Variants in ADAMTS12 observed in about 807,000 individuals in gnomAD.
ADAMTS12 encodes ADAM metallopeptidase with thrombospondin type 1 motif 12, also known as A disintegrin and metalloproteinase with thrombospondin motifs 12.
In ADAMTS12, 118 loss-of-function variants were observed where a neutral mutation model predicts 167.8. That is an observed-to-expected ratio of 0.70 (90% CI 0.61 to 0.82). ADAMTS12 has a LOEUF of 0.82. Ranked by LOEUF, ADAMTS12 falls within the 40% of genes least tolerant of loss-of-function variation. ADAMTS12 has a pLI of 0.00. For synonymous variants in ADAMTS12, 704 were observed against 716.9 expected, an observed-to-expected ratio of 0.98 and a Z score of 0.29; for missense variants, 1,916 against 1,998.8, an observed-to-expected ratio of 0.96 and a Z score of 0.79.
intron 2 of ADAMTS12, among the ~76,000 whole-genome samples, chr5:33,857,515 A>G (rs1398118928): frequency 6.6e-6 from 1 of 152,184 alleles, no homozygotes; most frequent in African/African-American, 2.4e-5. Flanking sequence ...ATATATATGT[A>G]TAACAGATCA....
chr5:33,827,160 T>C (rs1246973075), intron 2 of ADAMTS12, among the ~76,000 whole-genome samples: 3 of 32,024 alleles, frequency 9.4e-5, no homozygotes, highest in Non-Finnish European at 3.1e-4. Flanking sequence ...ACTTTCAGAA[T>C]TGACCCTGAA....
chr5:33,703,633 C>G (rs1013217967), intron 3 of ADAMTS12, among the ~76,000 whole-genome samples: 4 of 152,188 alleles, frequency 2.6e-5, no homozygotes, highest in Non-Finnish European at 4.4e-5. Flanking sequence ...CACACATAAA[C>G]AAGATCATAT....
rs1028924713 is a variant in ADAMTS12, at chr5:33,525,896, T to C, written c.*1292A>G. 1 of 152,194 alleles carries C rather than the reference T, an allele frequency of 6.6e-6. No individual in the cohort carries two copies. Among genetic ancestry groups the C allele is most frequent in the Non-Finnish European group, 1.5e-5 (1 of 68,028 alleles). The allele number at this position is 152,194 out of a possible 1,614,324, so 9.4% of individuals were successfully genotyped here. A position where few individuals can be genotyped will look rare whatever the true frequency, so the allele number is the denominator to read the frequency against. The stretch of plus-strand genomic sequence containing the variant: ...TTAGAAATCACTTTGTCTAGAAATT[T>C]GCTCTGAATTTGAGACCAAGCCTAC... On this transcript the variant is annotated 3_prime_UTR_variant, in exon 24 of 24. Coordinates refer to ENST00000504830, the MANE Select transcript of ADAMTS12 (RefSeq NM_030955.4).
chr5:33,630,971 C>T lies in ADAMTS12; in HGVS notation c.1889-58G>A, dbSNP rs1398345365. The stretch of plus-strand genomic sequence containing the variant: ...ATTAGCTTTTAGCTCAGCATCCTCC[C>T]CCAGGATTCCTCCGTACTTAGGACC... On this transcript the variant is annotated intron_variant, in intron 12 of 23. Transcript: ENST00000504830. 2.5e-6 allele frequency: 4 copies of T among 1,593,118 alleles called. No homozygotes were observed. In the Admixed American group the frequency reaches 6.7e-5, roughly 27 times the overall value.
chr5:33,611,473 G>A (rs552153594), intron 16 of ADAMTS12, among the ~76,000 whole-genome samples: 114 of 151,820 alleles, frequency 7.5e-4, no homozygotes, highest in African/African-American at 2.7e-3. Context: ...TCAGTAAAAC[G>A]AAAATAACAC....
chr5:33,757,677 T>A (rs1745213827), intron 2 of ADAMTS12, among the ~76,000 whole-genome samples: 1 of 152,166 alleles, frequency 6.6e-6, no homozygotes, highest in Admixed American at 6.5e-5. Context: ...TCTAAAAGAA[T>A]ATAGGATCAA....
chr5:33,580,910 A>G (rs909156907), intron 18 of ADAMTS12, among the ~76,000 whole-genome samples: 5 of 152,196 alleles, frequency 3.3e-5, no homozygotes, highest in African/African-American at 9.7e-5. Context: ...CCCTCAGTGC[A>G]CCAACCTTCC....
At chr5:33,568,690 T>A (rs2111921854) in intron 19 of ADAMTS12, among the ~76,000 whole-genome samples, 1 of 152,350 alleles carries the variant, frequency 6.6e-6, no homozygotes, top group Non-Finnish European at 1.5e-5. Flanking sequence ...GATTTCTGCA[T>A]TTCCATCTGA....
At chr5:33,559,223 C>G (rs1745623964) in intron 20 of ADAMTS12, among the ~76,000 whole-genome samples, 1 of 152,184 alleles carries the variant, frequency 6.6e-6, no homozygotes, top group Non-Finnish European at 1.5e-5. Context: ...TTCCTTTCTC[C>G]TGTGTCTCAG....
At chr5:33,845,662 A>C (rs1315483956) in intron 2 of ADAMTS12, among the ~76,000 whole-genome samples, 1 of 152,226 alleles carries the variant, frequency 6.6e-6, no homozygotes, top group Non-Finnish European at 1.5e-5. Context: ...AAAAAAGACT[A>C]ACTTTACAGG....
At chr5:33,592,018 C>T (rs185293935) in intron 17 of ADAMTS12, among the ~76,000 whole-genome samples, 1 of 151,546 alleles carries the variant, frequency 6.6e-6, no homozygotes, top group East Asian at 1.9e-4. Context: ...GTCGGGAGTT[C>T]GAGACCAGCC....
intron 22 of ADAMTS12, among the ~76,000 whole-genome samples, chr5:33,537,419 G>A (rs759295300): frequency 6.6e-6 from 1 of 152,230 alleles, no homozygotes; most frequent in Non-Finnish European, 1.5e-5. Flanking sequence ...AGGCCTGTGA[G>A]TTGGCATGTG....
chr5:33,774,679 A>G (rs1745855276), intron 2 of ADAMTS12, among the ~76,000 whole-genome samples: 1 of 152,216 alleles, frequency 6.6e-6, no homozygotes, highest in South Asian at 2.1e-4. Flanking sequence ...ATTATCCAAT[A>G]GAAAAGATAA....
intron 3 of ADAMTS12, among the ~76,000 whole-genome samples, chr5:33,703,103 A>T (rs1390626564): frequency 6.6e-6 from 1 of 152,192 alleles, no homozygotes; most frequent in Admixed American, 6.5e-5. Flanking sequence ...TTCACCAATA[A>T]AACCATTTCT....
chr5:33,866,323 A>T (rs1310334636), intron 2 of ADAMTS12, among the ~76,000 whole-genome samples: 1 of 152,174 alleles, frequency 6.6e-6, no homozygotes, highest in Non-Finnish European at 1.5e-5. Flanking sequence ...GACAAAAAAT[A>T]CAAAAATAAA....
intron 2 of ADAMTS12, among the ~76,000 whole-genome samples, chr5:33,854,042 T>G (rs1423245202): frequency 1.3e-5 from 2 of 152,236 alleles, no homozygotes; most frequent in Non-Finnish European, 2.9e-5. Context: ...AATTGCCCTT[T>G]ATGCAAAATA....
intron 3 of ADAMTS12, among the ~76,000 whole-genome samples, chr5:33,735,588 C>T (rs976727074): frequency 6.6e-6 from 1 of 152,140 alleles, no homozygotes; most frequent in African/African-American, 2.4e-5. Context: ...AGTTGCCTGG[C>T]CCCTCATCTA....
At chr5:33,527,829 C>T (rs951860837) in intron 23 of ADAMTS12, among the ~76,000 whole-genome samples, 9 of 152,212 alleles carry the variant, frequency 5.9e-5, no homozygotes, top group Middle Eastern at 3.2e-3. Flanking sequence ...ACACATGGGG[C>T]AGACCTGGAC....
intron 1 of ADAMTS12, among the ~76,000 whole-genome samples, chr5:33,882,366 G>A (rs1203725862): frequency 6.6e-6 from 1 of 152,186 alleles, no homozygotes; most frequent in Non-Finnish European, 1.5e-5. Flanking sequence ...GTCAGGATCT[G>A]AGGCATTGGC....
Sources: allele counts gnomAD v4.1 joint callset (sites outside exome capture counted in the v4.1 genomes callset), GRCh38; gene constraint gnomAD v4.1.1; transcripts MANE v1.5; gene names NCBI Gene and HGNC (gene_info 2026-07-23, HGNC 2026-07-21).